The following SPECC1 variants were observed in gnomAD, a reference collection of about 807,000 sequenced individuals.
SPECC1 encodes the protein sperm antigen with calponin homology and coiled-coil domains 1.
SPECC1 carries 62 observed loss-of-function variants against 104.1 expected under a neutral mutation model. That is an observed-to-expected ratio of 0.60 (90% confidence interval 0.49 to 0.74). The LOEUF (loss-of-function observed/expected upper bound fraction) is 0.74, where lower values mean the gene tolerates loss of function less well. Ranked by LOEUF, SPECC1 falls within the 30% of genes least tolerant of loss-of-function variation. SPECC1 has a pLI of 0.00. For missense variants in SPECC1, 1,306 were observed against 1,310.5 expected (o/e 1.00, Z 0.05); for synonymous variants, 513 against 501.6 (o/e 1.02, Z -0.30).
chr17:20,251,101 C>A (rs1400041087), intron 9 of SPECC1, among the ~76,000 whole-genome samples: 1 of 151,610 alleles, frequency 6.6e-6, no homozygotes, highest in Non-Finnish European at 1.5e-5. Flanking sequence ...GTGGTGCACG[C>A]CTGTAACCCC....
Position 20,204,540 on chromosome 17 carries a change from C to CTGCG in SPECC1, c.492_495dup (p.Leu166CysfsTer3). The CTGCG allele has an allele frequency of 1.2e-6, 2 of 1,614,170 alleles. No individual in the cohort carries two copies. Among genetic ancestry groups the CTGCG allele is most frequent in the Non-Finnish European group, 1.7e-6 (2 of 1,180,032 alleles). ...CAAGAGAATGAAGGTGGAGAAAAGG[C>CTGCG]TGCGCTTGAGTCCCAAGTTCGGGAA... On this transcript the variant is annotated frameshift_variant, in exon 4 of 15. Transcript: ENST00000395527. LOFTEE classifies it high-confidence loss of function.
intron 4 of SPECC1, 106 bp downstream of exon 4, chr17:20,206,018 C>A: frequency 4.2e-6 from 6 of 1,434,806 alleles, no homozygotes; most frequent in Non-Finnish European, 5.6e-6. Flanking sequence ...TAGTCTGTTT[C>A]ATTCACGAAG....
chr17:20,119,984 T>TA (rs2048949769), intron 3 of SPECC1, among the ~76,000 whole-genome samples: 1 of 152,188 alleles, frequency 6.6e-6, no homozygotes, highest in Non-Finnish European at 1.5e-5. Flanking sequence ...GCTGAACTGG[T>TA]AAGTATAATG....
At chr17:20,246,547 C>G (rs1444902028) in intron 8 of SPECC1, among the ~76,000 whole-genome samples, 1 of 152,194 alleles carries the variant, frequency 6.6e-6, no homozygotes, top group Admixed American at 6.5e-5. Flanking sequence ...ACGTGAGCAC[C>G]TGTGCTAATC....
At chr17:20,238,292 C>T in intron 7 of SPECC1, 1 of 1,040,684 alleles carries the variant, frequency 9.6e-7, no homozygotes, top group South Asian at 4.6e-5. Context: ...ACCCCAGAAA[C>T]TTAGTGTTCA....
At chr17:20,063,381 T>C (rs8074791) in intron 1 of SPECC1, among the ~76,000 whole-genome samples, 11,188 of 152,248 alleles carry the variant, frequency 0.073, 549 homozygotes, top group African/African-American at 0.14. Context: ...GTAATTACGT[T>C]CTCTTTCTTG....
At chr17:20,139,803 T>G (rs2030535373) in intron 3 of SPECC1, among the ~76,000 whole-genome samples, 1 of 152,108 alleles carries the variant, frequency 6.6e-6, no homozygotes, top group Admixed American at 6.6e-5. Flanking sequence ...GCCTACTGAG[T>G]AGCTGGGATG....
intron 2 of SPECC1, among the ~76,000 whole-genome samples, chr17:20,103,532 A>G (rs1422715634): frequency 6.6e-6 from 1 of 152,180 alleles, no homozygotes; most frequent in East Asian, 1.9e-4. Context: ...TAGCTGAATT[A>G]CAGTGTTCAG....
At chr17:20,127,439 T>TA (rs1006873690) in intron 3 of SPECC1, among the ~76,000 whole-genome samples, 1 of 142,864 alleles carries the variant, frequency 7.0e-6, no homozygotes, top group African/African-American at 2.6e-5. Context: ...CAGGTCATCT[T>TA]TTTTTTTTTT....
At chr17:20,194,499 C>G (rs1056829345) in intron 3 of SPECC1, among the ~76,000 whole-genome samples, 1 of 89,990 alleles carries the variant, frequency 1.1e-5, no homozygotes, top group East Asian at 7.5e-4. Context: ...GAAAAGAGAA[C>G]GAATTTTTTT....
At position 20,317,274 on chromosome 17, in the gene SPECC1, T is replaced by TTTTTTTTTTTTTTTTTTTTTTG. The variant is rs2042053627; in HGVS notation, c.*3215_*3216insTTTTTTTTTTTTTTTGTTTTTT. 1 of 154,158 alleles carries TTTTTTTTTTTTTTTTTTTTTTG rather than the reference T, an allele frequency of 6.5e-6. No homozygotes were observed. The highest frequency in any genetic ancestry group is 1.3e-5 in the Non-Finnish European group (1 of 74,780). The allele number at this position is 154,158 out of a possible 1,614,324, so 9.5% of individuals were successfully genotyped here. A position where few individuals can be genotyped will look rare whatever the true frequency, so the allele number is the denominator to read the frequency against. On this transcript the variant is annotated 3_prime_UTR_variant, in exon 15 of 15. Transcript: ENST00000395527. ...CTATAAAAAAATTTTTTTTTTTTTT[T>TTTTTTTTTTTTTTTTTTTTTTG]TTTTTTGAGAGAGCGTCTCACTTCT...
At chr17:20,112,383 T>G in intron 3 of SPECC1, 1 of 758,600 alleles carries the variant, frequency 1.3e-6, no homozygotes, top group Non-Finnish European at 2.5e-6. Context: ...GAAATGGCAA[T>G]AAAGAATTCT....
At chr17:20,260,924 A>C (rs1311580512) in intron 12 of SPECC1, among the ~76,000 whole-genome samples, 1 of 152,146 alleles carries the variant, frequency 6.6e-6, no homozygotes, top group East Asian at 1.9e-4. Flanking sequence ...AAGGCTGTAA[A>C]TCAGTTGTTT....
At chr17:20,131,742 C>T (rs1034700198) in intron 3 of SPECC1, among the ~76,000 whole-genome samples, 4 of 151,454 alleles carry the variant, frequency 2.6e-5, no homozygotes, top group African/African-American at 9.7e-5. Context: ...CTCTGCCTCC[C>T]GAGTTCAAGC....
At chr17:20,177,452 T>G (rs2034547875) in intron 3 of SPECC1, among the ~76,000 whole-genome samples, 1 of 152,174 alleles carries the variant, frequency 6.6e-6, no homozygotes, top group Admixed American at 6.5e-5. Context: ...TTCAAAGCCC[T>G]GCTACTCAGA....
chr17:20,193,408 C>G (rs2035801942), intron 3 of SPECC1, among the ~76,000 whole-genome samples: 1 of 152,202 alleles, frequency 6.6e-6, no homozygotes, highest in Admixed American at 6.5e-5. Context: ...GGTTCACATG[C>G]CTCTGACATT....
chr17:20,184,690 A>G (rs1056327973), intron 3 of SPECC1, among the ~76,000 whole-genome samples: 1 of 152,220 alleles, frequency 6.6e-6, no homozygotes, highest in Non-Finnish European at 1.5e-5. Flanking sequence ...TATGTAAAGT[A>G]TTTGGTACCG....
rs188389402 is a variant in SPECC1 at position 20,018,756 on chromosome 17, C to T, written c.-22+9332C>T. Among the ~76,000 whole-genome samples the T allele has an allele frequency of 3.3e-5, 5 of 152,350 alleles. No individual in the cohort carries two copies. The East Asian group carries it at 7.7e-4, about 23-fold the overall frequency. Reference sequence around the variant, plus strand: ...CCAGGCACAAGCTTCCAAGCATCCTCTCCCAGTGCAGTCACACAGGATGTA... The same window carrying T: ...CCAGGCACAAGCTTCCAAGCATCCTTTCCCAGTGCAGTCACACAGGATGTA... On this transcript the variant is annotated intron_variant, in intron 1 of 14. Coordinates refer to ENST00000395527, the MANE Select transcript of SPECC1 (RefSeq NM_001243439.2).
At chr17:20,251,284 G>A (rs1032867524) in intron 9 of SPECC1, among the ~76,000 whole-genome samples, 9 of 147,322 alleles carry the variant, frequency 6.1e-5, no homozygotes, top group South Asian at 2.1e-4. Context: ...AAATGTAGTC[G>A]ATAAAGATTA....
Sources: gnomAD v4.1 joint callset for allele counts (sites outside exome capture counted in the v4.1 genomes callset) on GRCh38, gnomAD v4.1.1 for gene constraint, MANE v1.5 for transcripts, NCBI Gene and HGNC (gene_info 2026-07-23, HGNC 2026-07-21) for gene names.